INTS10: variants seen among roughly 807,000 people sequenced by gnomAD.
INTS10 encodes chromosome 8 open reading frame 35.
A neutral mutation model predicts 94.4 loss-of-function variants in INTS10; 44 were observed. The ratio of observed to expected loss-of-function variants is 0.47; its 90% CI spans 0.37 to 0.60. The LOEUF (loss-of-function observed/expected upper bound fraction) is 0.60. Among genes scored for constraint, INTS10 ranks in the 20% least tolerant of loss-of-function variants. The pLI, the probability that INTS10 is intolerant of heterozygous loss-of-function variation, is 0.00. For missense variants in INTS10, 797 were observed against 868.7 expected (o/e 0.92, Z 1.04); for synonymous variants, 341 against 320.7 (o/e 1.06, Z -0.68).
At chr8:19,822,578 G>C in intron 5 of INTS10, 58 bp downstream of exon 5, 1 of 1,068,072 alleles carries the variant, frequency 9.4e-7, no homozygotes, top group Non-Finnish European at 1.4e-6. Flanking sequence ...TGGGGTAAGT[G>C]TTGGTTCAGG....
chr8:19,826,906 G>A (rs1277397409), intron 9 of INTS10, among the ~76,000 whole-genome samples: 1 of 152,168 alleles, frequency 6.6e-6, no homozygotes, highest in Admixed American at 6.5e-5. Flanking sequence ...CATCGATTCA[G>A]TTTAAACAAC....
intron 12 of INTS10, among the ~76,000 whole-genome samples, chr8:19,834,048 A>C (rs1176465070): frequency 1.3e-5 from 2 of 151,686 alleles, no homozygotes; most frequent in Non-Finnish European, 2.9e-5. Flanking sequence ...ATAGGGGCAG[A>C]TTTATAAATG....
chr8:19,849,098 G>A lies in INTS10; in HGVS notation c.1977-2551G>A. The A allele has an allele frequency of 9.7e-6, 7 of 720,434 alleles. No individual in the cohort carries two copies. Among genetic ancestry groups the A allele is most frequent in the Non-Finnish European group, 1.5e-5 (7 of 471,308 alleles). 44.6% of individuals were successfully genotyped at this position (720,434 alleles called of 1,614,324 possible). Reference sequence around the variant, plus strand: ...TCTTGTGTATTTTCTCTGGAGTGTTGTTTTTGCAGTGCAGGGTGAGTCGGT... The same window carrying A: ...TCTTGTGTATTTTCTCTGGAGTGTTATTTTTGCAGTGCAGGGTGAGTCGGT... On this transcript the variant is annotated intron_variant, in intron 16 of 16. Coordinates refer to ENST00000397977, the MANE Select transcript of INTS10 (RefSeq NM_018142.4). This position sits in a 1 kb window ranked among gnomAD's most constrained non-coding sequence, Gnocchi z 4.6.
Position 19,851,628 on chromosome 8 carries a change from T to C in INTS10, c.1977-21T>C, listed in dbSNP as rs1188698203. The C allele has an allele frequency of 6.2e-7, 1 of 1,613,630 alleles. No individual in the cohort carries two copies. Among genetic ancestry groups the C allele is most frequent in the Non-Finnish European group, 8.5e-7 (1 of 1,179,578 alleles). On this transcript the variant is annotated intron_variant, in intron 16 of 16. Transcript: ENST00000397977. The surrounding 1 kb of genome is among the most constrained non-coding windows in gnomAD (Gnocchi z 5.0). ...GGTGCTAACCCCTGGTCTTTGTCTG[T>C]TTCCCTATTGCTGACCTCAGGCACC...
intron 11 of INTS10, among the ~76,000 whole-genome samples, chr8:19,832,617 T>A (rs1312995982): frequency 1.3e-5 from 2 of 152,122 alleles, no homozygotes; most frequent in East Asian, 3.9e-4. Flanking sequence ...GTACCTTCTG[T>A]GTTACTTTTG....
intron 8 of INTS10, among the ~76,000 whole-genome samples, chr8:19,825,802 T>C (rs1163319783): frequency 6.6e-6 from 1 of 152,168 alleles, no homozygotes; most frequent in Admixed American, 6.5e-5. Context: ...AAGTATAATT[T>C]GGTAGTCTTT....
At chr8:19,817,793 C>T (rs2066043808) in intron 1 of INTS10, 127 bp downstream of exon 1, 2 of 1,153,674 alleles carry the variant, frequency 1.7e-6, no homozygotes, top group East Asian at 2.6e-5. Flanking sequence ...CTGCTTTCTC[C>T]CCTCCCACCC....
chr8:19,832,352 G>T (rs776866151), intron 11 of INTS10, among the ~76,000 whole-genome samples: 4 of 152,104 alleles, frequency 2.6e-5, no homozygotes, highest in Admixed American at 6.6e-5. Context: ...TGGGAGGATT[G>T]CTTGAGCCCA....
Position 19,819,569 on chromosome 8 carries a change from A to G in INTS10, c.198-4A>G, listed in dbSNP as rs754023599. Reference sequence around the variant, plus strand: ...TTAATTTAATGTATTTATTTTAAAAATAGGTTTGTGAATTTCCCAGACCAG... The same window carrying G: ...TTAATTTAATGTATTTATTTTAAAAGTAGGTTTGTGAATTTCCCAGACCAG... On this transcript the variant is annotated splice_polypyrimidine_tract_variant and splice_region_variant and intron_variant, in intron 2 of 16. Coordinates refer to ENST00000397977, the MANE Select transcript of INTS10 (RefSeq NM_018142.4). 10 of 1,601,500 alleles carry G rather than the reference A, an allele frequency of 6.2e-6. No individual in the cohort carries two copies. Among genetic ancestry groups the G allele is most frequent in the Non-Finnish European group, 3.4e-6 (4 of 1,170,490 alleles).
chr8:19,843,743 T>C lies in INTS10; in HGVS notation c.1720-333T>C, dbSNP rs74593693. 7.0e-4 allele frequency among the ~76,000 whole-genome samples: 107 copies of C among 152,246 alleles called. 1 individual carries two copies. Among genetic ancestry groups the C allele is most frequent in the African/African-American group, 2.6e-3 (106 of 41,532 alleles). On this transcript the variant is annotated intron_variant, in intron 14 of 16. Transcript: ENST00000397977. The surrounding 1 kb of genome is among the most constrained non-coding windows in gnomAD (Gnocchi z 4.7). The stretch of plus-strand genomic sequence containing the variant: ...CTCCCTTTCAAAGAAATCTTCAGAT[T>C]TATTTCTCCATTACACAGGATGAAT...
intron 16 of INTS10, 55 bp downstream of exon 16, chr8:19,845,852 G>A: frequency 8.1e-7 from 1 of 1,231,672 alleles, no homozygotes; most frequent in Non-Finnish European, 1.2e-6. Flanking sequence ...TTGTGTCTTT[G>A]TATGAAGTAT....
intron 2 of INTS10, 28 bp downstream of exon 2, chr8:19,818,370 A>C: frequency 6.2e-7 from 1 of 1,605,510 alleles, no homozygotes; most frequent in Middle Eastern, 1.7e-4. Context: ...CATCACTTTT[A>C]CTGCACTGAA....
Position 19,824,921 on chromosome 8 carries a change from T to G in INTS10, c.955T>G (p.Phe319Val). ...QVVYSTMLVF[F>V]KNAFQYVNSI... ...GGTGTATTCCACCATGCTGGTCTTCTTTAAGAATGCATTCCAGTATGTCAA... is the reference window on the plus strand; with the variant it reads ...GGTGTATTCCACCATGCTGGTCTTCGTTAAGAATGCATTCCAGTATGTCAA... The change falls in exon 8 of 17, where the codon TTT becomes GTT. Residue 319 changes from phenylalanine to valine, a missense_variant. Phe to Val is a conservative substitution (Grantham distance 50). Coordinates refer to ENST00000397977, the MANE Select transcript of INTS10 (RefSeq NM_018142.4). 6.2e-7 allele frequency: 1 copy of G among 1,614,000 alleles called. No homozygotes were observed. The highest frequency in any genetic ancestry group is 1.1e-5 in the South Asian group (1 of 91,034).
chr8:19,819,716 C>T (rs747492414), intron 3 of INTS10, 40 bp downstream of exon 3: 2 of 1,406,020 alleles, frequency 1.4e-6, no homozygotes, highest in Admixed American at 1.7e-5. Flanking sequence ...TCGGGAATAC[C>T]AAATCATATA....
At chr8:19,828,186 G>A (rs978874281) in intron 9 of INTS10, among the ~76,000 whole-genome samples, 1 of 152,250 alleles carries the variant, frequency 6.6e-6, no homozygotes, top group South Asian at 2.1e-4. Context: ...CCTCCAGCCC[G>A]AGCAACAGAG....
At chr8:19,824,258 G>A (rs985938567) in intron 7 of INTS10, 28 of 384,998 alleles carry the variant, frequency 7.3e-5, no homozygotes, top group Non-Finnish European at 1.3e-4. Flanking sequence ...TTGGGAGGCT[G>A]AGGTGGGCAG....
At chr8:19,820,018 C>T (rs1333436587) in intron 3 of INTS10, among the ~76,000 whole-genome samples, 1 of 152,190 alleles carries the variant, frequency 6.6e-6, no homozygotes, top group African/African-American at 2.4e-5. Context: ...CTGTATGTTG[C>T]TGTAGTCAAT....
At chr8:19,828,659 G>C (rs1589964939) in intron 9 of INTS10, among the ~76,000 whole-genome samples, 1 of 151,950 alleles carries the variant, frequency 6.6e-6, no homozygotes, top group Non-Finnish European at 1.5e-5. Flanking sequence ...TATGATATTA[G>C]GTTGCCGTTA....
chr8:19,838,862 G>A (rs562869971), intron 13 of INTS10, among the ~76,000 whole-genome samples: 1 of 151,990 alleles, frequency 6.6e-6, no homozygotes, highest in East Asian at 1.9e-4. Flanking sequence ...ACGAGGTCAG[G>A]AGATAGAGAC....
Sources: gnomAD v4.1 joint callset for allele counts (sites outside exome capture counted in the v4.1 genomes callset) on GRCh38, gnomAD v4.1.1 for gene constraint, Gnocchi (gnomAD v3.1) non-coding constraint, MANE v1.5 for transcripts, NCBI Gene and HGNC (gene_info 2026-07-23, HGNC 2026-07-21) for gene names.